CCDC7: variants seen among roughly 807,000 people sequenced by gnomAD.
The protein encoded by CCDC7 is coiled-coil domain containing 7.
In CCDC7, 183 loss-of-function variants were observed where a neutral mutation model predicts 196.9. The ratio of observed to expected loss-of-function variants is 0.93; its 90% CI spans 0.82 to 1.05. CCDC7 has a LOEUF of 1.05. Among genes scored for constraint, CCDC7 ranks in the 50% least tolerant of loss-of-function variants. The pLI is 0.00. For synonymous variants in CCDC7, 525 were observed against 484.6 expected (o/e 1.08, Z -1.10); for missense variants, 1,540 against 1,482.2 (o/e 1.04, Z -0.64).
intron 31 of CCDC7, among the ~76,000 whole-genome samples, chr10:32,823,145 A>T (rs1380055902): frequency 2.6e-5 from 4 of 151,008 alleles, no homozygotes; most frequent in Non-Finnish European, 5.9e-5. Flanking sequence ...GTCCAATATG[A>T]TGCTTTTTTT....
intron 25 of CCDC7, among the ~76,000 whole-genome samples, chr10:32,713,181 C>T (rs888678279): frequency 2.0e-5 from 3 of 152,022 alleles, no homozygotes; most frequent in Non-Finnish European, 4.4e-5. Context: ...TTATAGTGGC[C>T]CAAAGGGATC....
chr10:32,645,252 A>G (rs1190175047), intron 20 of CCDC7, among the ~76,000 whole-genome samples: 4 of 152,206 alleles, frequency 2.6e-5, no homozygotes, highest in Non-Finnish European at 5.9e-5. Flanking sequence ...TTGTGGGTAT[A>G]TAAATTAGTG....
intron 24 of CCDC7, among the ~76,000 whole-genome samples, chr10:32,709,286 AC>A (rs1340281229): frequency 3.7e-5 from 5 of 133,732 alleles, no homozygotes; most frequent in Non-Finnish European, 6.3e-5. Context: ...ACACTTGGAC[AC>A]AGGAAGGGGA....
intron 20 of CCDC7, among the ~76,000 whole-genome samples, chr10:32,637,826 G>C (rs1182789412): frequency 1.3e-5 from 2 of 152,098 alleles, no homozygotes; most frequent in African/African-American, 4.8e-5. Flanking sequence ...TGGGCAGTAT[G>C]GTCATTTTCA....
intron 13 of CCDC7, among the ~76,000 whole-genome samples, chr10:32,552,353 G>T (rs191333046): frequency 3.1e-4 from 47 of 152,286 alleles, no homozygotes; most frequent in African/African-American, 1.1e-3. Flanking sequence ...TATCCATTCT[G>T]CAGTTCTGTG....
chr10:32,474,408 C>CT (rs964436782), intron 8 of CCDC7, among the ~76,000 whole-genome samples: 72 of 134,582 alleles, frequency 5.3e-4, no homozygotes, highest in African/African-American at 1.5e-3. Context: ...ATTTTTTTTT[C>CT]TTTTTTTTTT....
At chr10:32,662,119 G>T (rs922583277) in intron 20 of CCDC7, among the ~76,000 whole-genome samples, 3 of 152,118 alleles carry the variant, frequency 2.0e-5, no homozygotes, top group Admixed American at 6.6e-5. Context: ...TTTTCTTTCT[G>T]CCATGACAGG....
intron 13 of CCDC7, among the ~76,000 whole-genome samples, chr10:32,550,049 G>A (rs749285979): frequency 7.2e-5 from 11 of 152,070 alleles, no homozygotes; most frequent in Admixed American, 1.3e-4. Context: ...CCATGAGCAT[G>A]GGATGTGTTT....
intron 24 of CCDC7, among the ~76,000 whole-genome samples, chr10:32,695,513 G>A (rs1591680079): frequency 6.6e-6 from 1 of 152,188 alleles, no homozygotes; most frequent in African/African-American, 2.4e-5. Flanking sequence ...ATGGTGTCAT[G>A]AAGATGCCCG....
At position 32,723,397 on chromosome 10, in the gene CCDC7, A is replaced by G. The variant is rs113822622; in HGVS notation, c.2570-3337A>G. Among the ~76,000 whole-genome samples, 384 of 152,264 alleles carry G rather than the reference A, an allele frequency of 2.5e-3. 1 individual carries two copies. Among genetic ancestry groups the G allele is most frequent in the African/African-American group, 8.6e-3 (358 of 41,546 alleles). Reference sequence around the variant, plus strand: ...ATGAGGATGTTTAATTGAGTTCAGTAACCAGTAGGAGTAAAACGAATGAAC... The same window carrying G: ...ATGAGGATGTTTAATTGAGTTCAGTGACCAGTAGGAGTAAAACGAATGAAC... On this transcript the variant is annotated intron_variant, in intron 25 of 41. Coordinates refer to ENST00000639629, the Ensembl canonical transcript of CCDC7.
intron 18 of CCDC7, among the ~76,000 whole-genome samples, chr10:32,615,256 G>C (rs1301774209): frequency 1.3e-5 from 2 of 152,096 alleles, no homozygotes; most frequent in African/African-American, 4.8e-5. Context: ...ATTGCCATAT[G>C]ATTTTCCATA....
chr10:32,461,656 C>T (rs530421050), intron 3 of CCDC7, among the ~76,000 whole-genome samples: 3 of 145,120 alleles, frequency 2.1e-5, no homozygotes, highest in African/African-American at 7.6e-5. Context: ...TATAATGCTC[C>T]TCTGAAAGGA....
chr10:32,735,345 C>T (rs1434408991), intron 28 of CCDC7, among the ~76,000 whole-genome samples: 4 of 152,100 alleles, frequency 2.6e-5, no homozygotes, highest in South Asian at 4.1e-4. Flanking sequence ...TTCCCATGTT[C>T]CTTGCCAGTT....
At chr10:32,852,607 G>A (rs1448350262) in intron 40 of CCDC7, among the ~76,000 whole-genome samples, 1 of 152,008 alleles carries the variant, frequency 6.6e-6, no homozygotes, top group Non-Finnish European at 1.5e-5. Flanking sequence ...CTGAGAGTTT[G>A]AAACTTTTAA....
At chr10:32,693,959 T>C (rs1241594938) in intron 23 of CCDC7, among the ~76,000 whole-genome samples, 1 of 152,160 alleles carries the variant, frequency 6.6e-6, no homozygotes, top group Non-Finnish European at 1.5e-5. Flanking sequence ...AACATGTGAA[T>C]GAATGAATGA....
At chr10:32,800,892 C>A (rs1259835502) in intron 29 of CCDC7, among the ~76,000 whole-genome samples, 1 of 152,172 alleles carries the variant, frequency 6.6e-6, no homozygotes, top group African/African-American at 2.4e-5. Flanking sequence ...ATGCAGTGGG[C>A]TTCCTAGCAA....
intron 20 of CCDC7, among the ~76,000 whole-genome samples, chr10:32,649,846 C>T (rs1027889135): frequency 1.3e-5 from 2 of 152,168 alleles, no homozygotes; most frequent in Non-Finnish European, 2.9e-5. Flanking sequence ...TTGTAGTGAG[C>T]TTTTCAGCTC....
rs535154437 is a variant in CCDC7 at position 32,590,932 on chromosome 10, G to A, written c.1801+6628G>A. Among the ~76,000 whole-genome samples, 220 of 151,974 alleles carry A rather than the reference G, an allele frequency of 1.4e-3. 2 individuals are homozygous for A. The highest frequency in any genetic ancestry group is 3.6e-3 in the Admixed American group (55 of 15,264). ...ATTCTTTCTTTATCCTTGACCTTTG[G>A]GAGTTTGATTATTAAATGCCTTGAG... On this transcript the variant is annotated intron_variant, in intron 18 of 41. Transcript: ENST00000639629.
intron 41 of CCDC7, among the ~76,000 whole-genome samples, chr10:32,864,650 C>A (rs527531484): frequency 1.3e-5 from 2 of 151,494 alleles, no homozygotes; most frequent in East Asian, 3.9e-4. Flanking sequence ...ACAATATATA[C>A]AAAACTCTGG....
Sources: gnomAD v4.1 joint callset for allele counts (sites outside exome capture counted in the v4.1 genomes callset) on GRCh38, gnomAD v4.1.1 for gene constraint, MANE v1.5 for transcripts, NCBI Gene and HGNC (gene_info 2026-07-23, HGNC 2026-07-21) for gene names.